DOCK7: variants seen among roughly 807,000 people sequenced by gnomAD.
DOCK7 encodes the protein dedicator of cytokinesis 7, also known as dedicator of cytokinesis protein 7.
Under a neutral mutation model 271.0 loss-of-function variants are expected in DOCK7, and 138 were observed. That is an observed-to-expected ratio of 0.51 (90% CI 0.44 to 0.59). The LOEUF is 0.59. Ranked by LOEUF, DOCK7 falls within the 20% of genes least tolerant of loss-of-function variation. DOCK7 has a pLI of 0.00. For missense variants in DOCK7, 2,066 were observed against 2,592.4 expected (o/e 0.80, Z 4.41); for synonymous variants, 823 against 876.1 (o/e 0.94, Z 1.07).
intron 12 of DOCK7, among the ~76,000 whole-genome samples, chr1:62,620,471 T>C (rs930191258): frequency 1.3e-5 from 2 of 152,060 alleles, no homozygotes; most frequent in African/African-American, 4.8e-5. Context: ...TTTATTTCCT[T>C]TTTTATGCTT....
intron 18 of DOCK7, among the ~76,000 whole-genome samples, chr1:62,566,966 T>G (rs185269491): frequency 6.6e-6 from 1 of 152,146 alleles, no homozygotes; most frequent in African/African-American, 2.4e-5. Flanking sequence ...CACTGATCAA[T>G]AGAGAAATGC....
chr1:62,599,160 C>A (rs1378375699), intron 14 of DOCK7, among the ~76,000 whole-genome samples: 1 of 151,994 alleles, frequency 6.6e-6, no homozygotes, highest in East Asian at 1.9e-4. Flanking sequence ...TGCTCAAAAC[C>A]ACACAATAGC....
intron 11 of DOCK7, among the ~76,000 whole-genome samples, chr1:62,630,773 GT>G (rs1251220079): frequency 2.0e-5 from 3 of 151,712 alleles, no homozygotes; most frequent in African/African-American, 7.3e-5. Flanking sequence ...GACTTATATG[GT>G]ATGTGAATTA....
intron 37 of DOCK7, 86 bp from the exon 38 acceptor site, chr1:62,496,583 G>A: frequency 1.6e-6 from 2 of 1,283,370 alleles, no homozygotes; most frequent in Non-Finnish European, 2.1e-6. Context: ...AGTATATTTA[G>A]TGAAAAAATA....
chr1:62,474,343 T>C lies in DOCK7; in HGVS notation c.6106-255A>G, dbSNP rs1645912035. Among the ~76,000 whole-genome samples the C allele has an allele frequency of 3.3e-5, 5 of 152,364 alleles. No homozygotes were observed. The South Asian group carries it at 8.3e-4, about 25-fold the overall frequency. ...GAATAGGAACTCAAGGACTGACTACTATGTTCATTAATGTATTTTGCTTTG... is the reference window on the plus strand; with the variant it reads ...GAATAGGAACTCAAGGACTGACTACCATGTTCATTAATGTATTTTGCTTTG... On this transcript the variant is annotated intron_variant, in intron 47 of 49. Coordinates refer to ENST00000635253, the MANE Select transcript of DOCK7 (RefSeq NM_001367561.1).
intron 1 of DOCK7, 76 bp downstream of exon 1, chr1:62,688,151 C>T: frequency 8.0e-7 from 1 of 1,248,724 alleles, no homozygotes; most frequent in Non-Finnish European, 1.0e-6. Flanking sequence ...CCACCCGCCT[C>T]CTAGGCCAGG....
intron 22 of DOCK7, among the ~76,000 whole-genome samples, chr1:62,548,408 G>C (rs539252560): frequency 5.5e-4 from 80 of 146,182 alleles, no homozygotes; most frequent in Middle Eastern, 3.5e-3. Flanking sequence ...CTTAATTTTT[G>C]TGTGTGTCTT....
intron 13 of DOCK7, 88 bp downstream of exon 13, chr1:62,619,809 AAAT>A (rs1553186592): frequency 1.5e-6 from 1 of 689,292 alleles, no homozygotes; most frequent in Non-Finnish European, 2.2e-6. Flanking sequence ...TGGGCCAGAT[AAAT>A]AAAAAAAAAA....
intron 18 of DOCK7, among the ~76,000 whole-genome samples, chr1:62,564,552 G>C (rs1234435330): frequency 6.6e-6 from 1 of 152,150 alleles, no homozygotes; most frequent in African/African-American, 2.4e-5. Context: ...ATTTAAAGCA[G>C]TGTGGAGAGG....
At chr1:62,600,783 G>T (rs1401491841) in intron 14 of DOCK7, among the ~76,000 whole-genome samples, 2 of 151,652 alleles carry the variant, frequency 1.3e-5, no homozygotes, top group Non-Finnish European at 1.5e-5. Context: ...ATAAATAAAA[G>T]AATACATTAC....
chr1:62,604,118 C>T, intron 14 of DOCK7: 6 of 1,613,326 alleles, frequency 3.7e-6, no homozygotes, highest in Non-Finnish European at 4.2e-6. Context: ...CTATACGCTA[C>T]ATCTAGTTGC....
At chr1:62,610,027 T>C (rs1413056204) in intron 14 of DOCK7, among the ~76,000 whole-genome samples, 2 of 152,112 alleles carry the variant, frequency 1.3e-5, no homozygotes, top group Non-Finnish European at 2.9e-5. Flanking sequence ...ATTTTTGTAT[T>C]TTTAGTAGAG....
At chr1:62,688,177 C>T (rs1304185132) in intron 1 of DOCK7, 50 bp downstream of exon 1, 2 of 1,348,080 alleles carry the variant, frequency 1.5e-6, no homozygotes, top group African/African-American at 1.5e-5. Context: ...GAGGACTCCG[C>T]GGCTCTTTCT....
At chr1:62,649,094 T>G (rs1287965180) in intron 4 of DOCK7, among the ~76,000 whole-genome samples, 2 of 152,126 alleles carry the variant, frequency 1.3e-5, no homozygotes, top group African/African-American at 4.8e-5. Context: ...ATTACATATA[T>G]ACACAGTTAG....
chr1:62,492,703 C>T lies in DOCK7; in HGVS notation c.5361+1G>A, dbSNP rs1481513074. 6.2e-7 allele frequency: 1 copy of T among 1,613,900 alleles called. No homozygotes were observed. The highest frequency in any genetic ancestry group is 8.5e-7 in the Non-Finnish European group (1 of 1,179,906). ...GAAAAGAATTAACAAGAGTCATCTA[C>T]CATAGAGAAGGAAGCAGCTGCTTGT... is the stretch of plus-strand genomic sequence containing the variant. On this transcript the variant is annotated splice_donor_variant, in intron 41 of 49. Transcript: ENST00000635253. LOFTEE classifies it high-confidence loss of function.
chr1:62,615,068 C>T (rs1202140402), intron 14 of DOCK7, among the ~76,000 whole-genome samples: 1 of 151,792 alleles, frequency 6.6e-6, no homozygotes, highest in African/African-American at 2.4e-5. Context: ...GCCCATCTCC[C>T]AATTTTTCAT....
chr1:62,485,362 C>T, intron 43 of DOCK7: 2 of 981,114 alleles, frequency 2.0e-6, no homozygotes, highest in Non-Finnish European at 2.4e-6. Context: ...ACACACACAC[C>T]CTTCTAAAAA....
chr1:62,634,218 G>T (rs1426905397), intron 9 of DOCK7, among the ~76,000 whole-genome samples: 1 of 151,950 alleles, frequency 6.6e-6, no homozygotes, highest in African/African-American at 2.4e-5. Flanking sequence ...TATATACACT[G>T]AAGACTATAA....
intron 14 of DOCK7, among the ~76,000 whole-genome samples, chr1:62,613,997 C>T (rs1457567777): frequency 6.6e-6 from 1 of 151,970 alleles, no homozygotes; most frequent in African/African-American, 2.4e-5. Flanking sequence ...AAAAGGAGCC[C>T]TAGTGTCAAC....
Sources: allele counts gnomAD v4.1 joint callset (sites outside exome capture counted in the v4.1 genomes callset), GRCh38; gene constraint gnomAD v4.1.1; transcripts MANE v1.5; gene names NCBI Gene and HGNC (gene_info 2026-07-23, HGNC 2026-07-21).